The following LRRC4C variants were observed in gnomAD, a reference collection of about 807,000 sequenced individuals.
LRRC4C encodes leucine-rich repeat-containing protein 4C.
In LRRC4C, 5 loss-of-function variants were observed where a neutral mutation model predicts 33.6. The ratio of observed to expected loss-of-function variants is 0.15; its 90% confidence interval spans 0.08 to 0.31. The LOEUF (loss-of-function observed/expected upper bound fraction) is 0.31, where lower values mean the gene tolerates loss of function less well. LRRC4C is among the 10% of genes least tolerant of loss of function. The pLI is 1.00. For synonymous variants in LRRC4C, 329 were observed against 302.0 expected (o/e 1.09, Z -0.93); for missense variants, 560 against 796.7 (o/e 0.70, Z 3.58).
chr11:40,596,317 T>C (rs1208242867), intron 3 of LRRC4C, among the ~76,000 whole-genome samples: 1 of 152,170 alleles, frequency 6.6e-6, no homozygotes, highest in African/African-American at 2.4e-5. Context: ...TTTTATATTA[T>C]TATGGATACA....
intron 3 of LRRC4C, among the ~76,000 whole-genome samples, chr11:40,459,646 C>T (rs78420032): frequency 0.041 from 6,213 of 152,146 alleles, 413 homozygotes; most frequent in African/African-American, 0.14. Context: ...TTCTTAGAAC[C>T]GGAGCAGATA....
At chr11:40,537,183 C>T (rs1462995331) in intron 3 of LRRC4C, among the ~76,000 whole-genome samples, 1 of 152,126 alleles carries the variant, frequency 6.6e-6, no homozygotes. Context: ...TTGTGAAGGG[C>T]TGGAATATTT....
At chr11:41,052,517 T>C (rs1858309828) in intron 1 of LRRC4C, among the ~76,000 whole-genome samples, 1 of 151,786 alleles carries the variant, frequency 6.6e-6, no homozygotes, top group Non-Finnish European at 1.5e-5. Context: ...CTGTTCACTT[T>C]CGTATTTAAA....
At chr11:40,502,847 GA>G (rs112665782) in intron 3 of LRRC4C, among the ~76,000 whole-genome samples, 2 of 152,048 alleles carry the variant, frequency 1.3e-5, no homozygotes, top group African/African-American at 2.4e-5. Context: ...TTTCTACTTA[GA>G]AAAAAATATG....
At chr11:40,609,760 T>C (rs779539450) in intron 3 of LRRC4C, among the ~76,000 whole-genome samples, 10 of 151,874 alleles carry the variant, frequency 6.6e-5, no homozygotes, top group Non-Finnish European at 1.5e-4. Context: ...CAGTTTACTA[T>C]GAATAATTAT....
intron 3 of LRRC4C, among the ~76,000 whole-genome samples, chr11:40,579,851 C>T (rs977234257): frequency 2.0e-5 from 3 of 152,088 alleles, no homozygotes; most frequent in Admixed American, 1.3e-4. Context: ...AGTGCAGTGG[C>T]GCGATCTTCG....
intron 3 of LRRC4C, among the ~76,000 whole-genome samples, chr11:40,405,645 A>G (rs1356986445): frequency 6.7e-6 from 1 of 149,528 alleles, no homozygotes; most frequent in African/African-American, 2.4e-5. Flanking sequence ...CATTGTTGAT[A>G]CAGTCAACAA....
intron 1 of LRRC4C, among the ~76,000 whole-genome samples, chr11:41,045,729 T>G (rs2138048413): frequency 6.6e-6 from 1 of 152,238 alleles, no homozygotes; most frequent in East Asian, 1.9e-4. Flanking sequence ...ATTATTATTG[T>G]AGGGTACTGA....
At chr11:40,394,698 AG>A (rs1324485304) in intron 3 of LRRC4C, among the ~76,000 whole-genome samples, 2 of 152,142 alleles carry the variant, frequency 1.3e-5, no homozygotes, top group Non-Finnish European at 2.9e-5. Flanking sequence ...AATGCAGAAC[AG>A]GTAAATAATA....
At position 41,113,976 on chromosome 11, in the gene LRRC4C, A is replaced by G. The variant is rs564288499; in HGVS notation, c.-495-180253T>C. ...AATCTAAATATAATCAGTGTTTAAAAGAGCCCATTTTCTATTAAGGCAATC... is the reference window on the plus strand; with the variant it reads ...AATCTAAATATAATCAGTGTTTAAAGGAGCCCATTTTCTATTAAGGCAATC... On this transcript the variant is annotated intron_variant, in intron 1 of 6. Coordinates refer to ENST00000528697, the MANE Select transcript of LRRC4C (RefSeq NM_001258419.2). Among the ~76,000 whole-genome samples, 34 of 152,224 alleles carry G rather than the reference A, an allele frequency of 2.2e-4. No individual in the cohort carries two copies. The South Asian group carries it at 7.0e-3, about 32-fold the overall frequency.
In LRRC4C at chr11:40,648,156, T is replaced by C. The variant is rs1482878938; in HGVS notation, c.-284A>G. 6.6e-6 allele frequency: 1 copy of C among 152,178 alleles called. No homozygotes were observed. Among genetic ancestry groups the C allele is most frequent in the Non-Finnish European group, 1.5e-5 (1 of 68,040 alleles). The allele number at this position is 152,178 out of a possible 1,614,324, so 9.4% of individuals were successfully genotyped here. A position where few individuals can be genotyped will look rare whatever the true frequency, so the allele number is the denominator to read the frequency against. Reference sequence around the variant, plus strand: ...CTCTCACTTACCTGTAGCAAATTGTTCATGGACCCGTTTCTCTGTTTGCAA... The same window carrying C: ...CTCTCACTTACCTGTAGCAAATTGTCCATGGACCCGTTTCTCTGTTTGCAA... On this transcript the variant is annotated 5_prime_UTR_variant, in exon 3 of 7. Coordinates refer to ENST00000528697, the MANE Select transcript of LRRC4C (RefSeq NM_001258419.2).
At chr11:40,199,220 A>G (rs2135708588) in intron 5 of LRRC4C, among the ~76,000 whole-genome samples, 1 of 152,186 alleles carries the variant, frequency 6.6e-6, no homozygotes, top group South Asian at 2.1e-4. Flanking sequence ...ACAGGTGCCC[A>G]CTACCACACC....
chr11:40,871,735 C>G (rs570258190), intron 2 of LRRC4C, among the ~76,000 whole-genome samples: 498 of 152,186 alleles, frequency 3.3e-3, no homozygotes, highest in Non-Finnish European at 5.0e-3. Flanking sequence ...TTAAAAGGAC[C>G]GTTCAGGCAT....
intron 2 of LRRC4C, among the ~76,000 whole-genome samples, chr11:40,681,165 A>G (rs1338026511): frequency 6.6e-6 from 1 of 152,198 alleles, no homozygotes; most frequent in Non-Finnish European, 1.5e-5. Flanking sequence ...TAATATAAAC[A>G]TTTAATAGCC....
chr11:40,233,469 C>T (rs1865347019), intron 5 of LRRC4C, among the ~76,000 whole-genome samples: 2 of 152,110 alleles, frequency 1.3e-5, no homozygotes, highest in African/African-American at 2.4e-5. Flanking sequence ...TGTTAATCAG[C>T]TGATCAAATA....
chr11:40,995,206 C>A (rs1290243958), intron 1 of LRRC4C, among the ~76,000 whole-genome samples: 1 of 152,034 alleles, frequency 6.6e-6, no homozygotes, highest in Non-Finnish European at 1.5e-5. Flanking sequence ...TTGTGCCCAG[C>A]AAAATGTTTC....
At chr11:40,358,057 C>T (rs1294934754) in intron 3 of LRRC4C, among the ~76,000 whole-genome samples, 1 of 151,976 alleles carries the variant, frequency 6.6e-6, no homozygotes, top group Non-Finnish European at 1.5e-5. Context: ...GTGGCACATG[C>T]CTGTAGTTCC....
intron 3 of LRRC4C, among the ~76,000 whole-genome samples, chr11:40,389,516 C>T (rs1161751421): frequency 6.6e-6 from 1 of 151,310 alleles, no homozygotes; most frequent in Non-Finnish European, 1.5e-5. Context: ...CTATTGTTTT[C>T]TCATTTTAAA....
intron 1 of LRRC4C, among the ~76,000 whole-genome samples, chr11:41,058,211 C>G (rs1018209305): frequency 1.8e-4 from 28 of 152,336 alleles, no homozygotes; most frequent in Middle Eastern, 6.8e-3. Context: ...GTGACTCCCC[C>G]CTTTGGGGCC....
Sources: gnomAD v4.1 joint callset for allele counts (sites outside exome capture counted in the v4.1 genomes callset) on GRCh38, gnomAD v4.1.1 for gene constraint, MANE v1.5 for transcripts, NCBI Gene and HGNC (gene_info 2026-07-23, HGNC 2026-07-21) for gene names.